The following HDAC9 variants were observed in gnomAD, a reference collection of about 807,000 sequenced individuals.
The protein encoded by HDAC9 is MEF-2 interacting transcription repressor (MITR) protein.
HDAC9 carries 41 observed loss-of-function variants against 139.4 expected under a neutral mutation model. That is an observed-to-expected ratio of 0.29 (90% confidence interval 0.23 to 0.38). HDAC9 has a LOEUF of 0.38. HDAC9 is among the 10% of genes least tolerant of loss of function. The pLI is 1.00. For synonymous variants in HDAC9, 517 were observed against 476.2 expected (o/e 1.09, Z -1.12); for missense variants, 1,147 against 1,297.0 (o/e 0.88, Z 1.78).
At chr7:18,530,375 T>G (rs554365917) in intron 2 of HDAC9, among the ~76,000 whole-genome samples, 17 of 152,172 alleles carry the variant, frequency 1.1e-4, no homozygotes, top group Non-Finnish European at 2.1e-4. Flanking sequence ...CACTTGCTGA[T>G]GTGAAGTTAG....
chr7:18,383,048 A>G (rs1286951154), intron 1 of HDAC9, among the ~76,000 whole-genome samples: 1 of 152,244 alleles, frequency 6.6e-6, no homozygotes, highest in Non-Finnish European at 1.5e-5. Flanking sequence ...TTTAAAATAA[A>G]TGTACTGTTA....
At chr7:18,330,379 T>C (rs1188727553) in intron 1 of HDAC9, among the ~76,000 whole-genome samples, 1 of 151,554 alleles carries the variant, frequency 6.6e-6, no homozygotes, top group Non-Finnish European at 1.5e-5. Context: ...AAAACTGCTA[T>C]TCCACTATTA....
chr7:18,860,358 G>C (rs549653035), intron 21 of HDAC9, among the ~76,000 whole-genome samples: 3 of 151,980 alleles, frequency 2.0e-5, no homozygotes, highest in Admixed American at 6.6e-5. Context: ...ACTGTCATTT[G>C]TGTTCTATTT....
At chr7:18,793,540 C>A (rs190900111) in intron 17 of HDAC9, 88 bp downstream of exon 17, 26 of 879,414 alleles carry the variant, frequency 3.0e-5, no homozygotes, top group Admixed American at 2.0e-4. Flanking sequence ...GGGAGTGTGG[C>A]GTGGTAATAA....
chr7:18,226,765 G>GT (rs1409144817), intron 2 of HDAC9, among the ~76,000 whole-genome samples: 1 of 152,214 alleles, frequency 6.6e-6, no homozygotes, highest in Non-Finnish European at 1.5e-5. Context: ...AGCATGGCCG[G>GT]TTACAGCCTA....
intron 22 of HDAC9, among the ~76,000 whole-genome samples, chr7:18,899,802 C>T (rs1039534096): frequency 1.3e-5 from 2 of 152,074 alleles, no homozygotes; most frequent in East Asian, 1.9e-4. Context: ...ACACTAATCA[C>T]ATCTAACTTT....
At chr7:18,634,911 CTAATG>C (rs1474360809) in intron 8 of HDAC9, among the ~76,000 whole-genome samples, 169 bp downstream of exon 8, 1 of 152,002 alleles carries the variant, frequency 6.6e-6, no homozygotes, top group Admixed American at 6.6e-5. Flanking sequence ...TATTTACTAA[CTAATG>C]TAAATATTAT....
At chr7:18,752,602 G>A (rs371781144) in intron 14 of HDAC9, among the ~76,000 whole-genome samples, 2 of 152,078 alleles carry the variant, frequency 1.3e-5, no homozygotes, top group African/African-American at 2.4e-5. Flanking sequence ...AGTACCAGGC[G>A]GGATGTCTTA....
intron 16 of HDAC9, among the ~76,000 whole-genome samples, chr7:18,781,694 C>T (rs1791257123): frequency 6.6e-6 from 1 of 152,034 alleles, no homozygotes; most frequent in Non-Finnish European, 1.5e-5. Flanking sequence ...CTACTGGAAT[C>T]ATCAGCTTTA....
intron 1 of HDAC9, among the ~76,000 whole-genome samples, chr7:18,474,827 A>T (rs1013105696): frequency 6.6e-5 from 10 of 152,134 alleles, no homozygotes; most frequent in African/African-American, 2.4e-4. Flanking sequence ...TATGGAAGGA[A>T]GAAAGAGAGG....
intron 2 of HDAC9, among the ~76,000 whole-genome samples, chr7:18,180,115 T>C (rs1025756250): frequency 6.6e-6 from 1 of 152,098 alleles, no homozygotes; most frequent in Non-Finnish European, 1.5e-5. Context: ...AGCTCCTTAC[T>C]TTATCCTACC....
At chr7:18,131,573 A>G (rs533738495) in intron 1 of HDAC9, among the ~76,000 whole-genome samples, 2 of 152,308 alleles carry the variant, frequency 1.3e-5, no homozygotes, top group Admixed American at 1.3e-4. Flanking sequence ...CTATTAAACT[A>G]TCTTCTGAAA....
chr7:18,950,283 C>A (rs1342869963), intron 23 of HDAC9, among the ~76,000 whole-genome samples: 2 of 152,056 alleles, frequency 1.3e-5, no homozygotes, highest in Non-Finnish European at 1.5e-5. Flanking sequence ...CATTTCTGAT[C>A]TATAGAAATA....
chr7:18,216,866 C>G (rs1792355447), intron 2 of HDAC9, among the ~76,000 whole-genome samples: 1 of 152,108 alleles, frequency 6.6e-6, no homozygotes, highest in South Asian at 2.1e-4. Flanking sequence ...AAGTTGTACA[C>G]TGCCACCTAT....
chr7:18,876,609 T>G (rs1799337886), intron 22 of HDAC9, among the ~76,000 whole-genome samples: 1 of 152,230 alleles, frequency 6.6e-6, no homozygotes, highest in East Asian at 1.9e-4. Flanking sequence ...ATCAAAGTTC[T>G]TATCCTGAAT....
chr7:18,501,486 G>C (rs1798347480), intron 2 of HDAC9, among the ~76,000 whole-genome samples: 1 of 152,126 alleles, frequency 6.6e-6, no homozygotes, highest in African/African-American at 2.4e-5. Flanking sequence ...CGTTAAGGAA[G>C]TATTTAGTAC....
At chr7:18,720,321 T>G (rs2129123478) in intron 12 of HDAC9, among the ~76,000 whole-genome samples, 1 of 151,930 alleles carries the variant, frequency 6.6e-6, no homozygotes, top group Admixed American at 6.5e-5. Flanking sequence ...ATTTATTTAA[T>G]TTTAATTATA....
At chr7:18,153,528 G>A (rs771703879) in intron 1 of HDAC9, among the ~76,000 whole-genome samples, 26 of 152,310 alleles carry the variant, frequency 1.7e-4, no homozygotes, top group Middle Eastern at 6.8e-3. Flanking sequence ...CTGATTGGTT[G>A]TGGGAGGGGT....
chr7:18,186,925 T>C (rs2128145758), intron 2 of HDAC9, among the ~76,000 whole-genome samples: 1 of 152,352 alleles, frequency 6.6e-6, no homozygotes, highest in East Asian at 1.9e-4. Context: ...TCTACAGAAC[T>C]ACTTAAATTA....
Sources: allele counts gnomAD v4.1 joint callset (sites outside exome capture counted in the v4.1 genomes callset), GRCh38; gene constraint gnomAD v4.1.1; transcripts MANE v1.5; gene names NCBI Gene and HGNC (gene_info 2026-07-23, HGNC 2026-07-21).